Variants in EYS observed in about 807,000 individuals in gnomAD.
The protein encoded by EYS is EGF-like photoreceptor maintenance factor.
Under a neutral mutation model 282.1 loss-of-function variants are expected in EYS, and 250 were observed. The ratio of observed to expected loss-of-function variants is 0.89; its 90% CI spans 0.80 to 0.98. The LOEUF (loss-of-function observed/expected upper bound fraction) is 0.98. Among genes scored for constraint, EYS ranks in the 50% least tolerant of loss-of-function variants. The pLI is 0.00. For synonymous variants in EYS, 1,355 were observed against 1,282.9 expected (o/e 1.06, Z -1.20); for missense variants, 4,016 against 3,709.0 (o/e 1.08, Z -2.15).
At chr6:64,196,104 A>C (rs1409927461) in intron 31 of EYS, among the ~76,000 whole-genome samples, 3 of 152,234 alleles carry the variant, frequency 2.0e-5, no homozygotes, top group Non-Finnish European at 4.4e-5. Context: ...GACACTTCTC[A>C]AAAGAAGACA....
intron 2 of EYS, among the ~76,000 whole-genome samples, chr6:65,518,701 G>T (rs1160526159): frequency 2.6e-5 from 4 of 152,060 alleles, no homozygotes. Flanking sequence ...TGCTAATAAA[G>T]ACATACCCAA....
At chr6:65,171,410 C>G (rs1374396362) in intron 12 of EYS, among the ~76,000 whole-genome samples, 1 of 151,530 alleles carries the variant, frequency 6.6e-6, no homozygotes, top group African/African-American at 2.4e-5. Flanking sequence ...TAAACCTTTA[C>G]TTAACTTTTC....
intron 12 of EYS, among the ~76,000 whole-genome samples, chr6:65,129,049 A>G (rs1036388064): frequency 6.6e-6 from 1 of 152,060 alleles, no homozygotes; most frequent in Non-Finnish European, 1.5e-5. Flanking sequence ...TTACAAAAAT[A>G]ATCAATGAGG....
At chr6:63,847,326 G>A (rs1772125246) in intron 36 of EYS, among the ~76,000 whole-genome samples, 1 of 152,186 alleles carries the variant, frequency 6.6e-6, no homozygotes, top group Admixed American at 6.5e-5. Context: ...AGGTACACAT[G>A]AAGTCAGAAT....
chr6:63,832,781 C>A (rs1206684940), intron 36 of EYS, among the ~76,000 whole-genome samples: 1 of 152,114 alleles, frequency 6.6e-6, no homozygotes, highest in Admixed American at 6.5e-5. Context: ...AATTTTAGAC[C>A]AATATTCCTG....
At position 65,171,205 on chromosome 6, in the gene EYS, TTGAGA is replaced by T. The variant is rs149318305; in HGVS notation, c.2024-113483_2024-113479del. On this transcript the variant is annotated intron_variant, in intron 12 of 42. Coordinates refer to ENST00000503581, the MANE Select transcript of EYS (RefSeq NM_001142800.2). ...CCAAACCAGTTTCCTGAAAACACTG[TTGAGA>T]TATTACTGATTTCCTAATTATTGGG... 9.8e-3 allele frequency among the ~76,000 whole-genome samples: 1,494 copies of T among 151,704 alleles called. 25 individuals are homozygous for T. Among genetic ancestry groups the T allele is most frequent in the African/African-American group, 0.034 (1,412 of 41,496 alleles).
chr6:64,943,955 C>T (rs781534156), intron 15 of EYS, among the ~76,000 whole-genome samples: 12 of 152,032 alleles, frequency 7.9e-5, no homozygotes, highest in Non-Finnish European at 1.5e-4. Flanking sequence ...TCAAACTATA[C>T]GTAAGTCTAC....
At chr6:64,668,543 C>CTTTTTTTT (rs35765768) in intron 22 of EYS, among the ~76,000 whole-genome samples, 1 of 76,154 alleles carries the variant, frequency 1.3e-5, no homozygotes. Flanking sequence ...TACCACAATT[C>CTTTTTTTT]TTTTTTTTTT....
At chr6:64,394,725 G>A (rs1262685780) in intron 28 of EYS, among the ~76,000 whole-genome samples, 1 of 151,928 alleles carries the variant, frequency 6.6e-6, no homozygotes, top group East Asian at 1.9e-4. Context: ...GCATGGGCAA[G>A]GACTTCATGT....
At chr6:64,300,278 G>A (rs908742666) in intron 30 of EYS, among the ~76,000 whole-genome samples, 25 of 152,014 alleles carry the variant, frequency 1.6e-4, no homozygotes, top group African/African-American at 5.8e-4. Context: ...CAGGGGCCGC[G>A]GCAGGGGGCA....
intron 36 of EYS, among the ~76,000 whole-genome samples, chr6:63,830,016 G>T (rs763001978): frequency 6.6e-6 from 1 of 152,186 alleles, no homozygotes; most frequent in African/African-American, 2.4e-5. Context: ...CTGTTAGAAG[G>T]AAAACTAACA....
At position 63,746,813 on chromosome 6, in the gene EYS, C is replaced by CT. The variant is rs1002636881; in HGVS notation, c.8071+15647dup. Among the ~76,000 whole-genome samples, 11 of 151,996 alleles carry CT rather than the reference C, an allele frequency of 7.2e-5. No homozygotes were observed. In the South Asian group the frequency reaches 8.3e-4, roughly 11 times the overall value. Reference sequence around the variant, plus strand: ...TTTACTGTGTCTATTTGATTCTTCTCTTTTTTTTCTTAGTCTGGCTAGTCT... The same window carrying CT: ...TTTACTGTGTCTATTTGATTCTTCTCTTTTTTTTTCTTAGTCTGGCTAGTCT... On this transcript the variant is annotated intron_variant, in intron 41 of 42. Coordinates refer to ENST00000503581, the MANE Select transcript of EYS (RefSeq NM_001142800.2).
chr6:65,408,284 A>T (rs906061009), intron 5 of EYS, among the ~76,000 whole-genome samples: 2 of 151,926 alleles, frequency 1.3e-5, no homozygotes. Flanking sequence ...TTTTGGTATG[A>T]GGGTAATACT....
intron 10 of EYS, among the ~76,000 whole-genome samples, chr6:65,343,748 T>C (rs1770286068): frequency 6.6e-6 from 1 of 151,360 alleles, no homozygotes; most frequent in Non-Finnish European, 1.5e-5. Flanking sequence ...CACAACTGTA[T>C]CTGAGAGGCT....
At chr6:65,593,537 G>T (rs1765303152) in intron 2 of EYS, among the ~76,000 whole-genome samples, 1 of 151,958 alleles carries the variant, frequency 6.6e-6, no homozygotes, top group African/African-American at 2.4e-5. Context: ...ATAATTGGAT[G>T]GGGCCAGAAT....
At chr6:64,869,364 G>A (rs962966466) in intron 19 of EYS, among the ~76,000 whole-genome samples, 2 of 151,268 alleles carry the variant, frequency 1.3e-5, no homozygotes, top group Admixed American at 1.3e-4. Flanking sequence ...CTGGACCAGG[G>A]GATACAGGGA....
intron 33 of EYS, among the ~76,000 whole-genome samples, chr6:64,007,308 G>GT (rs1459062887): frequency 8.0e-5 from 12 of 150,274 alleles, no homozygotes; most frequent in African/African-American, 2.7e-4. Context: ...AGTCTCTGAG[G>GT]TTTTTTGTTT....
At chr6:65,285,473 A>T (rs1452930232) in intron 12 of EYS, among the ~76,000 whole-genome samples, 1 of 151,940 alleles carries the variant, frequency 6.6e-6, no homozygotes, top group African/African-American at 2.4e-5. Context: ...TGCTTTTTAC[A>T]TTTAGTCAGC....
chr6:65,466,462 T>C (rs1478506903), intron 5 of EYS, among the ~76,000 whole-genome samples: 2 of 152,104 alleles, frequency 1.3e-5, no homozygotes, highest in African/African-American at 2.4e-5. Flanking sequence ...GGAGAATATG[T>C]TGGACAATGT....
Sources: gnomAD v4.1 joint callset for allele counts (sites outside exome capture counted in the v4.1 genomes callset) on GRCh38, gnomAD v4.1.1 for gene constraint, MANE v1.5 for transcripts, NCBI Gene and HGNC (gene_info 2026-07-23, HGNC 2026-07-21) for gene names.